Variants in RYR3 observed in about 807,000 individuals in gnomAD.
RYR3 encodes the protein ryanodine receptor 3.
RYR3 carries 207 observed loss-of-function variants against 584.3 expected under a neutral mutation model. The observed-to-expected ratio is 0.35, with a 90% CI of 0.32 to 0.40. RYR3 has a LOEUF of 0.40. Ranked by LOEUF, RYR3 falls within the 10% of genes least tolerant of loss-of-function variation. The probability of loss-of-function intolerance (pLI) is 1.00; values close to 1 mark genes in which losing one functional copy is unlikely to be tolerated. For missense variants in RYR3, 5,616 were observed against 6,089.2 expected, an observed-to-expected ratio of 0.92 and a Z score of 2.59; for synonymous variants, 2,416 against 2,248.5, an observed-to-expected ratio of 1.07 and a Z score of -2.11.
At chr15:33,814,847 G>A (rs549060048) in intron 74 of RYR3, among the ~76,000 whole-genome samples, 4 of 145,972 alleles carry the variant, frequency 2.7e-5, no homozygotes, top group Admixed American at 7.0e-5. Context: ...GTTACAGTGA[G>A]CTGAGATCAC....
chr15:33,636,565 C>A lies in RYR3; in HGVS notation c.3556+15C>A, dbSNP rs374943215. 6 of 1,558,930 alleles carry A rather than the reference C, an allele frequency of 3.8e-6. No individual in the cohort carries two copies. In the South Asian group the frequency reaches 6.3e-5, roughly 16 times the overall value. ...GATTGAGAATGGTAAATCTAACACC[C>A]TCTGCCAACCCCAGCTCCATGAGGC... is the stretch of plus-strand genomic sequence containing the variant. On this transcript the variant is annotated intron_variant, in intron 27 of 103. Transcript: ENST00000634891.
chr15:33,538,462 G>C (rs528401110), intron 5 of RYR3, among the ~76,000 whole-genome samples: 3 of 152,256 alleles, frequency 2.0e-5, no homozygotes, highest in African/African-American at 7.2e-5. Context: ...TTTGAATTCT[G>C]TTTTCAGCAA....
At chr15:33,603,398 T>C (rs1271002518) in intron 18 of RYR3, 34 bp downstream of exon 18, 1 of 1,508,576 alleles carries the variant, frequency 6.6e-7, no homozygotes, top group Non-Finnish European at 8.9e-7. Flanking sequence ...GCTCATAATC[T>C]CACTGGAAAT....
chr15:33,631,379 C>T (rs1264675422), intron 23 of RYR3, 86 bp downstream of exon 23: 5 of 841,586 alleles, frequency 5.9e-6, no homozygotes, highest in Non-Finnish European at 9.5e-6. Flanking sequence ...AGACAGACAA[C>T]AGCCCACATA....
chr15:33,434,575 C>T (rs961865950), intron 1 of RYR3, among the ~76,000 whole-genome samples: 1 of 151,988 alleles, frequency 6.6e-6, no homozygotes, highest in Admixed American at 6.6e-5. Flanking sequence ...ATATTTTATG[C>T]AAGTAAAAAT....
chr15:33,697,923 T>A lies in RYR3; in HGVS notation c.6176T>A (p.Leu2059His). ...AAGGTGTTTTACCAGCATCCCAACC[T>A]CATGAGAGTCCTGGGCATGCACGAG... ...NNKVFYQHPN[L>H]MRVLGMHETV... is the part of the protein sequence containing the mutation. Residue 2059 changes from leucine to histidine, a missense_variant, in exon 40 of 104, where the codon CTC becomes CAC. Physicochemically the swap from Leu to His is moderately conservative, Grantham distance 99 (BLOSUM62 -3). Around this residue, in one of 9 missense-constraint regions of RYR3, gnomAD observed 1,280 missense variants for 1,426.2 expected, o/e 0.90. Coordinates refer to ENST00000634891, the MANE Select transcript of RYR3 (RefSeq NM_001036.6). The A allele has an allele frequency of 6.2e-7, 1 of 1,613,776 alleles. No homozygotes were observed. Among genetic ancestry groups the A allele is most frequent in the Non-Finnish European group, 8.5e-7 (1 of 1,179,708 alleles).
intron 50 of RYR3, among the ~76,000 whole-genome samples, chr15:33,739,414 C>T (rs1265555397): frequency 1.3e-5 from 2 of 152,062 alleles, no homozygotes; most frequent in East Asian, 3.9e-4. Context: ...ACATATGACC[C>T]ATATCAGCTA....
Position 33,603,034 on chromosome 15 carries a change from A to G in RYR3, c.1923-89A>G, listed in dbSNP as rs541845477. On this transcript the variant is annotated intron_variant, in intron 17 of 103. Coordinates refer to ENST00000634891, the MANE Select transcript of RYR3 (RefSeq NM_001036.6). ...CAGCATTGCTCTTGTCCTACGTGTA[A>G]ATGGGCCGTTGCCTCCTATGGTCTG... 214 of 1,380,816 alleles carry G rather than the reference A, an allele frequency of 1.5e-4. 1 individual carries two copies. In the Middle Eastern group the frequency reaches 0.013, roughly 86 times the overall value. The allele number at this position is 1,380,816 out of a possible 1,614,324, so 85.5% of individuals were successfully genotyped here.
At chr15:33,457,454 C>T (rs2047655511) in intron 1 of RYR3, among the ~76,000 whole-genome samples, 1 of 152,134 alleles carries the variant, frequency 6.6e-6, no homozygotes, top group Non-Finnish European at 1.5e-5. Context: ...ATAGATGAGC[C>T]TGAAGGACAT....
intron 38 of RYR3, among the ~76,000 whole-genome samples, chr15:33,687,004 C>T (rs1360383991): frequency 6.6e-6 from 1 of 152,168 alleles, no homozygotes; most frequent in Non-Finnish European, 1.5e-5. Context: ...TGAAAATCGG[C>T]ACAAGACAGG....
At chr15:33,617,178 G>T (rs962844759) in intron 19 of RYR3, among the ~76,000 whole-genome samples, 3 of 152,160 alleles carry the variant, frequency 2.0e-5, no homozygotes, top group Non-Finnish European at 4.4e-5. Flanking sequence ...ACTTTGGGAG[G>T]CTGAGGCGGG....
rs183985975 is a variant in RYR3 at position 33,844,317 on chromosome 15, G to C, written c.13297-545G>C. ...ACACATTGAGGTTGAAGTGACTTCA[G>C]ACAGCCATCCAAGAAGAGAAAGCCA... On this transcript the variant is annotated intron_variant, in intron 92 of 103. Transcript: ENST00000634891. Among the ~76,000 whole-genome samples, 19 of 152,346 alleles carry C rather than the reference G, an allele frequency of 1.2e-4. 2 individuals are homozygous for C. The highest frequency in any genetic ancestry group is 1.2e-3 in the Admixed American group (19 of 15,312).
rs531697578 is a variant in RYR3 at position 33,779,168 on chromosome 15, A to G, written c.9138-1043A>G. 1.4e-4 allele frequency among the ~76,000 whole-genome samples: 22 copies of G among 152,274 alleles called. No homozygotes were observed. In the South Asian group the frequency reaches 4.3e-3, roughly 30 times the overall value. The stretch of plus-strand genomic sequence containing the variant: ...AGATTTGCTGTCTGCAGATTCTATC[A>G]TAGTCTTGTGCAGTCATTTTTCTTC... On this transcript the variant is annotated intron_variant, in intron 64 of 103. Transcript: ENST00000634891.
At chr15:33,504,295 T>C (rs1229658482) in intron 3 of RYR3, among the ~76,000 whole-genome samples, 1 of 152,248 alleles carries the variant, frequency 6.6e-6, no homozygotes, top group Non-Finnish European at 1.5e-5. Flanking sequence ...AGCTCCATAT[T>C]GCCTATGTCA....
At chr15:33,550,563 A>C (rs956486569) in intron 10 of RYR3, among the ~76,000 whole-genome samples, 2 of 152,218 alleles carry the variant, frequency 1.3e-5, no homozygotes, top group Admixed American at 1.3e-4. Flanking sequence ...TGCAAGGAGC[A>C]TAGGAATGGA....
chr15:33,553,699 A>G (rs931752499), intron 10 of RYR3, among the ~76,000 whole-genome samples: 1 of 152,204 alleles, frequency 6.6e-6, no homozygotes, highest in African/African-American at 2.4e-5. Context: ...ATTACTTCCA[A>G]AATACAGCAT....
intron 43 of RYR3, among the ~76,000 whole-genome samples, chr15:33,713,477 A>C (rs2067266444): frequency 6.6e-6 from 1 of 151,154 alleles, no homozygotes. Flanking sequence ...GGGGGTTATA[A>C]GGGTGAGTGT....
chr15:33,428,515 T>TTAAA (rs1232828308), intron 1 of RYR3, among the ~76,000 whole-genome samples: 1 of 152,218 alleles, frequency 6.6e-6, no homozygotes, highest in Non-Finnish European at 1.5e-5. Context: ...AGACCTACAT[T>TTAAA]TCTGGGTTTT....
At chr15:33,506,552 G>A (rs1596406836) in intron 3 of RYR3, among the ~76,000 whole-genome samples, 1 of 152,254 alleles carries the variant, frequency 6.6e-6, no homozygotes, top group East Asian at 1.9e-4. Flanking sequence ...ACTATTATAA[G>A]GAGTAGTATT....
Sources: allele counts gnomAD v4.1 joint callset (sites outside exome capture counted in the v4.1 genomes callset), GRCh38; gene constraint gnomAD v4.1.1; regional missense constraint gnomAD v4.1.1; transcripts MANE v1.5; gene names NCBI Gene and HGNC (gene_info 2026-07-23, HGNC 2026-07-21).